NTRK3: variants seen among roughly 807,000 people sequenced by gnomAD.
The protein encoded by NTRK3 is neurotrophic receptor tyrosine kinase 3, also known as NT-3 growth factor receptor.
Under a neutral mutation model 91.7 loss-of-function variants are expected in NTRK3, and 24 were observed. The ratio of observed to expected loss-of-function variants is 0.26; its 90% CI spans 0.19 to 0.37. The LOEUF is 0.37. NTRK3 is among the 10% of genes least tolerant of loss of function. The pLI is 1.00. For synonymous variants in NTRK3, 483 were observed against 404.0 expected (o/e 1.20, Z -2.34); for missense variants, 880 against 1,068.9 (o/e 0.82, Z 2.46).
At chr15:88,100,634 C>T (rs2050075980) in intron 13 of NTRK3, among the ~76,000 whole-genome samples, 1 of 152,194 alleles carries the variant, frequency 6.6e-6, no homozygotes, top group Non-Finnish European at 1.5e-5. Flanking sequence ...ACCTTTCAGG[C>T]AAAGGAAACC....
At chr15:88,231,018 T>A (rs2051137654) in intron 3 of NTRK3, among the ~76,000 whole-genome samples, 1 of 152,320 alleles carries the variant, frequency 6.6e-6, no homozygotes, top group East Asian at 1.9e-4. Flanking sequence ...CTTGTGTTGA[T>A]AAACTTAACC....
At chr15:87,868,129 A>G (rs1567049598) in exon 19 of NTRK3, 1 of 231,778 alleles carries the variant, frequency 4.3e-6, no homozygotes, top group Non-Finnish European at 8.5e-6. Context: ...GGGCATATGG[A>G]TTTGTATACC....
At chr15:87,979,473 A>G (rs2074011504) in intron 14 of NTRK3, 1 of 1,586,790 alleles carries the variant, frequency 6.3e-7, no homozygotes, top group Non-Finnish European at 8.6e-7. Context: ...CCTATAAAAA[A>G]CAAAAAGAAA....
chr15:88,231,820 A>T (rs962666680), intron 3 of NTRK3, among the ~76,000 whole-genome samples: 3 of 152,216 alleles, frequency 2.0e-5, no homozygotes, highest in African/African-American at 7.2e-5. Context: ...AAGGAAATCC[A>T]TCAGAGTAGG....
intron 13 of NTRK3, among the ~76,000 whole-genome samples, chr15:88,096,538 A>C (rs903966615): frequency 2.6e-5 from 4 of 151,938 alleles, no homozygotes; most frequent in African/African-American, 9.7e-5. Flanking sequence ...AACTACACCC[A>C]CCTCAAGAGC....
intron 17 of NTRK3, among the ~76,000 whole-genome samples, chr15:87,921,881 T>TA (rs201850075): frequency 0.037 from 5,243 of 142,718 alleles, 240 homozygotes; most frequent in African/African-American, 0.11. Context: ...GACTTGGTAT[T>TA]AAAAAAAAAA....
chr15:87,867,940 A>G (rs1250671048), exon 19 of NTRK3: 1 of 228,692 alleles, frequency 4.4e-6, no homozygotes, highest in African/African-American at 2.2e-5. Context: ...AAGAAACTCA[A>G]GATGTAGTCT....
chr15:88,051,886 G>C (rs994339999), intron 13 of NTRK3, among the ~76,000 whole-genome samples: 2 of 152,180 alleles, frequency 1.3e-5, no homozygotes, highest in Non-Finnish European at 2.9e-5. Context: ...TTCCATGCTA[G>C]GGGATCACAG....
At chr15:87,952,571 C>T (rs1049120472) in intron 14 of NTRK3, among the ~76,000 whole-genome samples, 3 of 152,210 alleles carry the variant, frequency 2.0e-5, no homozygotes, top group Non-Finnish European at 2.9e-5. Flanking sequence ...CACAGGCTTC[C>T]TCTGGAGCCC....
intron 13 of NTRK3, among the ~76,000 whole-genome samples, chr15:88,121,635 C>T (rs1046178302): frequency 6.6e-6 from 1 of 152,146 alleles, no homozygotes; most frequent in African/African-American, 2.4e-5. Flanking sequence ...ATAGCCCATG[C>T]CCTGAACCCC....
chr15:88,158,636 G>T (rs1212426864), intron 5 of NTRK3, among the ~76,000 whole-genome samples: 1 of 152,202 alleles, frequency 6.6e-6, no homozygotes, highest in Non-Finnish European at 1.5e-5. Context: ...CTGCGGGGTG[G>T]GTGGGCATTG....
chr15:88,136,146 G>A, intron 8 of NTRK3, 106 bp from the exon 9 acceptor site: 3 of 1,417,988 alleles, frequency 2.1e-6, no homozygotes, highest in South Asian at 2.3e-5. Flanking sequence ...CTGAGCGGAA[G>A]GCGAAGGAGA....
At chr15:87,903,095 C>G (rs879428292) in intron 17 of NTRK3, among the ~76,000 whole-genome samples, 49 of 152,326 alleles carry the variant, frequency 3.2e-4, no homozygotes, top group African/African-American at 1.1e-3. Context: ...TGGAGATCTA[C>G]TTTCCATTAG....
chr15:88,023,778 G>T lies in NTRK3; in HGVS notation c.1585+9079C>A, dbSNP rs201362342. Among the ~76,000 whole-genome samples, 29 of 152,258 alleles carry T rather than the reference G, an allele frequency of 1.9e-4. 1 individual carries two copies. In the East Asian group the frequency reaches 5.4e-3, roughly 28 times the overall value. On this transcript the variant is annotated intron_variant, in intron 14 of 18. Coordinates refer to ENST00000394480, the Ensembl canonical transcript of NTRK3. Reference sequence around the variant, plus strand: ...TGCTCCCAGCCCAGCCCTGTAACCAGATCTCCTTCTTTGCATCAGGCAAGT... The same window carrying T: ...TGCTCCCAGCCCAGCCCTGTAACCATATCTCCTTCTTTGCATCAGGCAAGT...
intron 16 of NTRK3, 76 bp from the exon 17 acceptor site, chr15:87,929,510 G>A (rs2068611545): frequency 2.6e-6 from 4 of 1,562,216 alleles, no homozygotes; most frequent in Non-Finnish European, 3.5e-6. Context: ...CTGGGTCCCT[G>A]CCCTCTGGAA....
At chr15:88,052,879 G>A (rs1222050553) in intron 13 of NTRK3, among the ~76,000 whole-genome samples, 1 of 152,152 alleles carries the variant, frequency 6.6e-6, no homozygotes, top group Non-Finnish European at 1.5e-5. Context: ...AATATTAAGA[G>A]AATTTGGGCC....
Position 88,240,424 on chromosome 15 carries a change from C to T in NTRK3, c.248+15482G>A, listed in dbSNP as rs1347224320. ...GGATGTGGCCAAAAACACCTGTGTC[C>T]ATGAAACTCAAGGATCTCAAACTCC... On this transcript the variant is annotated intron_variant, in intron 3 of 18. Coordinates refer to ENST00000394480, the Ensembl canonical transcript of NTRK3. The surrounding 1 kb of genome is among the most constrained non-coding windows in gnomAD (Gnocchi z 4.9). Among the ~76,000 whole-genome samples the T allele has an allele frequency of 6.6e-6, 1 of 152,162 alleles. No individual in the cohort carries two copies. Among genetic ancestry groups the T allele is most frequent in the African/African-American group, 2.4e-5 (1 of 41,434 alleles).
intron 13 of NTRK3, among the ~76,000 whole-genome samples, chr15:88,036,902 C>T (rs182519183): frequency 1.8e-4 from 28 of 152,264 alleles, no homozygotes; most frequent in Admixed American, 1.5e-3. Context: ...GATACCACAT[C>T]GAGACTTAAA....
chr15:87,921,426 C>T (rs2067860831), intron 17 of NTRK3, among the ~76,000 whole-genome samples: 1 of 152,166 alleles, frequency 6.6e-6, no homozygotes, highest in Non-Finnish European at 1.5e-5. Flanking sequence ...CAGCATCCCT[C>T]AAGAACCAGT....
Sources: gnomAD v4.1 joint callset for allele counts (sites outside exome capture counted in the v4.1 genomes callset) on GRCh38, gnomAD v4.1.1 for gene constraint, Gnocchi (gnomAD v3.1) non-coding constraint, MANE v1.5 for transcripts, NCBI Gene and HGNC (gene_info 2026-07-23, HGNC 2026-07-21) for gene names.